PVT1: variants seen among roughly 807,000 people sequenced by gnomAD.
PVT1 encodes the protein Pvt1 oncogene.
intron 5 of PVT1, among the ~76,000 whole-genome samples, chr8:128,078,309 C>CTAAA (rs1563681835): frequency 6.6e-6 from 1 of 151,962 alleles, no homozygotes; most frequent in East Asian, 1.9e-4. Flanking sequence ...CTTAAACTCC[C>CTAAA]CTCCTTGTTC....
chr8:127,889,034 T>TC (rs1563631129), intron 2 of PVT1, among the ~76,000 whole-genome samples: 1 of 66,784 alleles, frequency 1.5e-5, no homozygotes, highest in Non-Finnish European at 3.3e-5. Flanking sequence ...CTTTCTCTCT[T>TC]TCTTTCTTCC....
chr8:128,000,250 TCATGTAGTATCCCCCA>T (rs1345033569), intron 4 of PVT1, among the ~76,000 whole-genome samples: 1 of 152,158 alleles, frequency 6.6e-6, no homozygotes, highest in African/African-American at 2.4e-5. Context: ...AGTTGACGTA[TCATGTAGTATCCCCCA>T]CCTGGCTTCC....
chr8:127,804,273 A>C (rs2129648205), intron 2 of PVT1, among the ~76,000 whole-genome samples: 2 of 152,284 alleles, frequency 1.3e-5, no homozygotes, highest in Admixed American at 1.3e-4. Flanking sequence ...ATTCATAAAA[A>C]ATAATATTTC....
At chr8:128,021,568 C>T (rs894668063) in intron 4 of PVT1, among the ~76,000 whole-genome samples, 5 of 152,096 alleles carry the variant, frequency 3.3e-5, no homozygotes, top group African/African-American at 7.2e-5. Context: ...GCTGGGATTA[C>T]AGGCGTGAGC....
chr8:127,797,578 C>G (rs1031409910), intron 2 of PVT1, among the ~76,000 whole-genome samples: 1 of 152,086 alleles, frequency 6.6e-6, no homozygotes, highest in African/African-American at 2.4e-5. Context: ...TGGCAGGAGC[C>G]CCCTTTGTCT....
chr8:127,831,413 C>A (rs1814849888), intron 2 of PVT1, among the ~76,000 whole-genome samples: 1 of 152,110 alleles, frequency 6.6e-6, no homozygotes, highest in Non-Finnish European at 1.5e-5. Flanking sequence ...GAGTTCTGTG[C>A]AGGCATGTTA....
At chr8:127,800,665 C>T (rs1814454032) in intron 2 of PVT1, among the ~76,000 whole-genome samples, 1 of 152,104 alleles carries the variant, frequency 6.6e-6, no homozygotes, top group South Asian at 2.1e-4. Flanking sequence ...ATATGTCTCT[C>T]TTCTCCCACT....
At chr8:128,048,955 G>T (rs1168109656) in intron 4 of PVT1, among the ~76,000 whole-genome samples, 2 of 152,192 alleles carry the variant, frequency 1.3e-5, no homozygotes, top group African/African-American at 4.8e-5. Flanking sequence ...CGGCTGCCCA[G>T]GGTTTTCAGC....
intron 4 of PVT1, among the ~76,000 whole-genome samples, chr8:128,017,299 G>A (rs1309696456): frequency 1.3e-5 from 2 of 152,288 alleles, no homozygotes. Context: ...TGTGCCAGAG[G>A]GCAATGGAGA....
At chr8:128,051,482 C>A (rs192110336) in intron 4 of PVT1, among the ~76,000 whole-genome samples, 143 of 152,314 alleles carry the variant, frequency 9.4e-4, no homozygotes, top group African/African-American at 3.2e-3. Flanking sequence ...TTATTTTCCT[C>A]TCCAGATTTG....
intron 3 of PVT1, among the ~76,000 whole-genome samples, chr8:127,981,261 A>C (rs1816880145): frequency 6.6e-6 from 1 of 152,222 alleles, no homozygotes; most frequent in South Asian, 2.1e-4. Context: ...TTTCCTCTGC[A>C]AGAGGGCCCT....
At chr8:128,027,404 C>A (rs192193518) in intron 4 of PVT1, among the ~76,000 whole-genome samples, 28 of 152,286 alleles carry the variant, frequency 1.8e-4, no homozygotes, top group Admixed American at 1.3e-3. Context: ...CAGAAGGGAA[C>A]TTGGGTGGGG....
chr8:127,937,596 G>C (rs1310078595), intron 3 of PVT1, among the ~76,000 whole-genome samples: 12 of 147,002 alleles, frequency 8.2e-5, no homozygotes, highest in Non-Finnish European at 1.6e-4. Flanking sequence ...GAGAGAGAGA[G>C]AGAGAGAGAG....
At chr8:127,948,899 C>A (rs547643538) in intron 3 of PVT1, among the ~76,000 whole-genome samples, 1 of 152,316 alleles carries the variant, frequency 6.6e-6, no homozygotes, top group South Asian at 2.1e-4. Context: ...AGTCACTCAC[C>A]CTCTCTGAAC....
Position 127,985,161 on chromosome 8 carries a change from G to A in PVT1, n.783-4001G>A, listed in dbSNP as rs1199738236. ...TGATTCTCCTGCCTCAACTCCCCGA[G>A]TAGCTGGGATTACAGGTGCCTGCCA... On this transcript the variant is annotated intron_variant and non_coding_transcript_variant, in intron 3 of 10. Transcript: ENST00000651587. Among the ~76,000 whole-genome samples the A allele has an allele frequency of 2.0e-5, 3 of 151,584 alleles. No homozygotes were observed. The East Asian group carries it at 5.8e-4, about 29-fold the overall frequency.
At chr8:127,826,554 T>C (rs1285614958) in intron 2 of PVT1, among the ~76,000 whole-genome samples, 1 of 152,088 alleles carries the variant, frequency 6.6e-6, no homozygotes, top group Non-Finnish European at 1.5e-5. Flanking sequence ...ATGGTGAGTG[T>C]CTATTTTGGA....
intron 4 of PVT1, among the ~76,000 whole-genome samples, chr8:128,044,011 A>ATT (rs66807418): frequency 0.03 from 2,934 of 97,726 alleles, 60 homozygotes; most frequent in African/African-American, 0.043. Context: ...ATTATTATTT[A>ATT]TTTATTTTTT....
chr8:127,799,031 T>C (rs144221871), intron 2 of PVT1, among the ~76,000 whole-genome samples: 68 of 152,236 alleles, frequency 4.5e-4, no homozygotes, highest in African/African-American at 1.5e-3. Flanking sequence ...GACATATACA[T>C]GATGTGGAAA....
intron 3 of PVT1, among the ~76,000 whole-genome samples, chr8:127,897,286 C>T (rs1000280307): frequency 6.6e-6 from 1 of 152,158 alleles, no homozygotes. Context: ...GGGCCTCTTC[C>T]CTACAGCGCC....
Sources: gnomAD v4.1 joint callset for allele counts (sites outside exome capture counted in the v4.1 genomes callset) on GRCh38, gnomAD v4.1.1 for gene constraint, MANE v1.5 for transcripts, NCBI Gene and HGNC (gene_info 2026-07-23, HGNC 2026-07-21) for gene names.